TRIM36: variants seen among roughly 807,000 people sequenced by gnomAD.
TRIM36 encodes tripartite motif containing 36.
TRIM36 carries 42 observed loss-of-function variants against 72.4 expected under a neutral mutation model. The observed-to-expected ratio is 0.58, with a 90% CI of 0.45 to 0.75. The LOEUF is 0.75. Ranked by LOEUF, TRIM36 falls within the 30% of genes least tolerant of loss-of-function variation. The pLI is 0.00. For missense variants in TRIM36, 913 were observed against 857.1 expected (o/e 1.07, Z -0.81); for synonymous variants, 315 against 282.8 (o/e 1.11, Z -1.14).
At chr5:115,166,518 G>GAGCT (rs1196413127) in intron 1 of TRIM36, among the ~76,000 whole-genome samples, 2 of 152,300 alleles carry the variant, frequency 1.3e-5, no homozygotes, top group Admixed American at 1.3e-4. Context: ...GGTCTCCTGA[G>GAGCT]AGCTACTCTT....
intron 1 of TRIM36, among the ~76,000 whole-genome samples, chr5:115,164,922 C>A (rs1754681090): frequency 6.6e-6 from 1 of 152,200 alleles, no homozygotes; most frequent in African/African-American, 2.4e-5. Flanking sequence ...GACAAATGCT[C>A]CCATTCCAAA....
In TRIM36 at chr5:115,130,709, C is replaced by T; in HGVS notation, c.1679G>A (p.Gly560Glu). ...CACACGGAAGGCCCAGAAGTGTTTT[C>T]CTTTTGTAATGCCAGTATCTCCAAT... ...YIIGDTGITK[G>E]KHFWAFRVEP... Residue 560 changes from glycine to glutamate, a missense_variant, in exon 9 of 10, where the codon GGA becomes GAA. Coordinates refer to ENST00000513154, the MANE Select transcript of TRIM36 (RefSeq NM_001300759.2). 6.2e-7 allele frequency: 1 copy of T among 1,614,114 alleles called. No homozygotes were observed. Among genetic ancestry groups the T allele is most frequent in the East Asian group, 2.2e-5 (1 of 44,866 alleles).
chr5:115,130,641 C>G lies in TRIM36; in HGVS notation c.1747G>C (p.Asp583His), dbSNP rs770374685. The G allele has an allele frequency of 6.2e-7, 1 of 1,614,180 alleles. No homozygotes were observed. The highest frequency in any genetic ancestry group is 1.7e-5 in the Admixed American group (1 of 60,024). ...GAACGGAGCCATTCTTGTAGTTTAT[C>G]GCTAGAAGCAACTCCCACTTTTACC... ...YLVKVGVASS[D>H]KLQEWLRSPR... Residue 583 changes from aspartate to histidine, a missense_variant, in exon 9 of 10, where the codon GAT becomes CAT. Coordinates refer to ENST00000513154, the MANE Select transcript of TRIM36 (RefSeq NM_001300759.2).
intron 2 of TRIM36, among the ~76,000 whole-genome samples, chr5:115,147,734 A>G (rs1753672530): frequency 6.6e-6 from 1 of 152,222 alleles, no homozygotes; most frequent in Non-Finnish European, 1.5e-5. Context: ...TATAATTAGC[A>G]TTTATAGTTA....
intron 2 of TRIM36, among the ~76,000 whole-genome samples, chr5:115,158,400 T>A (rs1388394914): frequency 6.6e-6 from 1 of 152,246 alleles, no homozygotes; most frequent in Non-Finnish European, 1.5e-5. Context: ...AGTCATTTGT[T>A]TAACCATTTA....
chr5:115,153,209 T>C (rs188026256), intron 2 of TRIM36, among the ~76,000 whole-genome samples: 39 of 152,224 alleles, frequency 2.6e-4, no homozygotes, highest in South Asian at 1.2e-3. Flanking sequence ...TTCATGTGAA[T>C]GGACACCAAA....
chr5:115,158,918 G>A (rs892892477), intron 2 of TRIM36, among the ~76,000 whole-genome samples: 1 of 152,192 alleles, frequency 6.6e-6, no homozygotes, highest in African/African-American at 2.4e-5. Context: ...AAGAAAGAGA[G>A]AAAGACAGAA....
intron 2 of TRIM36, chr5:115,149,540 G>A (rs1293478229): frequency 9.1e-6 from 1 of 109,914 alleles, no homozygotes; most frequent in South Asian, 3.2e-4. Context: ...GTATGCTGGT[G>A]ACACCCAGAA....
chr5:115,149,568 TG>T (rs1753773016), intron 2 of TRIM36: 1 of 25,786 alleles, frequency 3.9e-5, no homozygotes, highest in African/African-American at 3.7e-4. Flanking sequence ...CTCAGAAATT[TG>T]AAAAAAAAAA....
At chr5:115,132,172 C>T (rs886552699) in intron 8 of TRIM36, among the ~76,000 whole-genome samples, 9 of 139,634 alleles carry the variant, frequency 6.4e-5, no homozygotes, top group Non-Finnish European at 9.4e-5. Flanking sequence ...CCCCATCTCT[C>T]TCTCTCTCTC....
chr5:115,134,019 C>A lies in TRIM36; in HGVS notation c.1339G>T (p.Asp447Tyr). The stretch of plus-strand genomic sequence containing the variant: ...TCTATCTCATTCCATGACATTTCAT[C>A]ATCTCTATTGATTTTCCGATATTCA... ...VLEYRKINRD[D>Y]EMSWNEIEVC... Residue 447 changes from aspartate (D) to tyrosine (Y), a missense_variant, in exon 8 of 10, where the codon GAT becomes TAT. Physicochemically the swap from Asp to Tyr is radical, Grantham distance 160. Transcript: ENST00000513154. 1 of 1,613,956 alleles carries A rather than the reference C, an allele frequency of 6.2e-7. No individual in the cohort carries two copies. Among genetic ancestry groups the A allele is most frequent in the Non-Finnish European group, 8.5e-7 (1 of 1,179,948 alleles).
At chr5:115,144,214 G>GT (rs1753450899) in intron 4 of TRIM36, among the ~76,000 whole-genome samples, 1 of 152,104 alleles carries the variant, frequency 6.6e-6, no homozygotes, top group African/African-American at 2.4e-5. Flanking sequence ...GAACAAAATA[G>GT]TAATTCTACA....
At chr5:115,144,807 C>A in intron 3 of TRIM36, 63 bp from the exon 4 acceptor site, 2 of 1,488,280 alleles carry the variant, frequency 1.3e-6, no homozygotes, top group South Asian at 1.3e-5. Context: ...AACAAATTAC[C>A]AAAATACAAA....
At chr5:115,170,746 A>G (rs1283976550), upstream of TRIM36, among the ~76,000 whole-genome samples, 1 of 152,188 alleles carries the variant, frequency 6.6e-6, no homozygotes, top group Non-Finnish European at 1.5e-5. Flanking sequence ...CTGAAGTTAA[A>G]AGGCCGCGGC....
rs373495702 is a variant in TRIM36 at position 115,130,895 on chromosome 5, T to C, written c.1499-6A>G. ...ATCAAAGAGGAAGCTGAAAACTAAA[T>C]GGAGCTTAAAATTAATATCAGGCTA... On this transcript the variant is annotated splice_region_variant and splice_polypyrimidine_tract_variant and intron_variant, in intron 8 of 9. Transcript: ENST00000513154. 1 of 1,600,296 alleles carries C rather than the reference T, an allele frequency of 6.2e-7. No homozygotes were observed. Among genetic ancestry groups the C allele is most frequent in the Non-Finnish European group, 8.5e-7 (1 of 1,172,294 alleles).
chr5:115,145,336 C>T (rs1359747954), intron 3 of TRIM36, among the ~76,000 whole-genome samples: 1 of 152,050 alleles, frequency 6.6e-6, no homozygotes, highest in African/African-American at 2.4e-5. Context: ...ACTTTGTAAA[C>T]TATTATCATA....
At chr5:115,128,458 A>C (rs1487530529) in intron 9 of TRIM36, among the ~76,000 whole-genome samples, 1 of 151,908 alleles carries the variant, frequency 6.6e-6, no homozygotes, top group East Asian at 1.9e-4. Context: ...TTTTTTTAAA[A>C]ATTGAAAGTT....
chr5:115,180,154 T>A, exon 1 of TRIM36: 1 of 1,023,600 alleles, frequency 9.8e-7, no homozygotes, highest in Non-Finnish European at 1.5e-6. Context: ...CATAAGCTGT[T>A]AACCAGGAAA....
intron 2 of TRIM36, chr5:115,149,094 C>T (rs771720550): frequency 2.0e-5 from 3 of 152,066 alleles, no homozygotes; most frequent in Non-Finnish European, 4.4e-5. Flanking sequence ...GATATTTTAA[C>T]GTTTACATTT....
Sources: gnomAD v4.1 joint callset for allele counts (sites outside exome capture counted in the v4.1 genomes callset) on GRCh38, gnomAD v4.1.1 for gene constraint, MANE v1.5 for transcripts, NCBI Gene and HGNC (gene_info 2026-07-23, HGNC 2026-07-21) for gene names.